DYNC2H1: variants seen among roughly 807,000 people sequenced by gnomAD.
The protein encoded by DYNC2H1 is cytoplasmic dynein 2 heavy chain 1.
A neutral mutation model predicts 570.0 loss-of-function variants in DYNC2H1; 410 were observed. The ratio of observed to expected loss-of-function variants is 0.72; its 90% CI spans 0.66 to 0.78. DYNC2H1 has a LOEUF of 0.78. Ranked by LOEUF, DYNC2H1 falls within the 30% of genes least tolerant of loss-of-function variation. DYNC2H1 has a pLI of 0.00. For synonymous variants in DYNC2H1, 1,688 were observed against 1,677.6 expected (o/e 1.01, Z -0.15); for missense variants, 4,865 against 5,046.4 (o/e 0.96, Z 1.09).
rs190700870 is a variant in DYNC2H1 at position 103,177,208 on chromosome 11, G to C, written c.5875-348G>C. ...ACTTTGCCCTCAGTTTTGGAGAGAA[G>C]TAAGATAAGAATGAATGAATGAATG... On this transcript the variant is annotated intron_variant, in intron 37 of 88. Transcript: ENST00000375735. The surrounding 1 kb of genome is among the most constrained non-coding windows in gnomAD (Gnocchi z 4.4). 1.3e-5 allele frequency among the ~76,000 whole-genome samples: 2 copies of C among 152,182 alleles called. No individual in the cohort carries two copies. Among genetic ancestry groups the C allele is most frequent in the East Asian group, 3.9e-4 (2 of 5,182 alleles).
chr11:103,455,870 A>G (rs1944769086), intron 86 of DYNC2H1, among the ~76,000 whole-genome samples: 1 of 152,158 alleles, frequency 6.6e-6, no homozygotes, highest in Non-Finnish European at 1.5e-5. Context: ...AAGGGACATT[A>G]CTAAAAATAT....
intron 61 of DYNC2H1, among the ~76,000 whole-genome samples, chr11:103,234,400 C>A (rs1024560374): frequency 6.6e-6 from 1 of 151,878 alleles, no homozygotes; most frequent in Non-Finnish European, 1.5e-5. Context: ...GAGAGATGAG[C>A]AGGATGAAAA....
Position 103,252,478 on chromosome 11 carries a change from C to T in DYNC2H1, c.10043-807C>T, listed in dbSNP as rs2135251697. 6.6e-6 allele frequency among the ~76,000 whole-genome samples: 1 copy of T among 152,220 alleles called. No homozygotes were observed. Among genetic ancestry groups the T allele is most frequent in the East Asian group, 1.9e-4 (1 of 5,174 alleles). ...CTGGTCTTCATTCCCACCAACAATT[C>T]CCTTTTCTCCGTATCTTCATCAACA... On this transcript the variant is annotated intron_variant, in intron 65 of 88. Transcript: ENST00000375735. The surrounding 1 kb of genome is among the most constrained non-coding windows in gnomAD (Gnocchi z 4.6).
intron 4 of DYNC2H1, 74 bp downstream of exon 4, chr11:103,115,369 C>A: frequency 1.1e-6 from 1 of 933,688 alleles, no homozygotes. Flanking sequence ...TACAGCCTCT[C>A]TTCTGTTTTA....
intron 59 of DYNC2H1, among the ~76,000 whole-genome samples, chr11:103,230,715 G>A (rs768095714): frequency 7.9e-5 from 12 of 151,880 alleles, no homozygotes; most frequent in Non-Finnish European, 1.3e-4. Flanking sequence ...TTTGCGTTCC[G>A]GTATGTTAGT....
At chr11:103,180,077 T>G (rs1307699501) in intron 39 of DYNC2H1, among the ~76,000 whole-genome samples, 1 of 151,678 alleles carries the variant, frequency 6.6e-6, no homozygotes, top group South Asian at 2.1e-4. Flanking sequence ...TACTTTAAAT[T>G]AGCCAGAAGC....
chr11:103,310,408 TG>T (rs1357725003), intron 78 of DYNC2H1, among the ~76,000 whole-genome samples: 1 of 152,084 alleles, frequency 6.6e-6, no homozygotes, highest in Non-Finnish European at 1.5e-5. Flanking sequence ...TTAGTATTTT[TG>T]TTTCATTTAT....
chr11:103,315,844 C>A (rs1937797029), intron 79 of DYNC2H1, among the ~76,000 whole-genome samples: 1 of 151,918 alleles, frequency 6.6e-6, no homozygotes, highest in African/African-American at 2.4e-5. Context: ...TTCCCAGAGC[C>A]TGACATATAA....
intron 59 of DYNC2H1, among the ~76,000 whole-genome samples, chr11:103,225,780 C>T (rs745968341): frequency 5.3e-5 from 8 of 152,044 alleles, no homozygotes; most frequent in Admixed American, 2.0e-4. Context: ...TTTTCTACTT[C>T]TGTGAAGAAT....
chr11:103,383,904 A>C (rs1005255063), intron 83 of DYNC2H1, among the ~76,000 whole-genome samples: 1 of 152,118 alleles, frequency 6.6e-6, no homozygotes, highest in Non-Finnish European at 1.5e-5. Context: ...TTTCATTGTA[A>C]CTTCATCTTC....
At position 103,184,955 on chromosome 11, in the gene DYNC2H1, A is replaced by G. The variant is rs1170526771; in HGVS notation, c.6537A>G (p.Leu2179=). 1 of 1,611,346 alleles carries G rather than the reference A, an allele frequency of 6.2e-7. No homozygotes were observed. Among genetic ancestry groups the G allele is most frequent in the South Asian group, 1.1e-5 (1 of 90,980 alleles). ...CTGTGATGAATGGTTTGTCACATCTACATGGTTGCAGAGATCATGACGAAT... is the reference window on the plus strand; with the variant it reads ...CTGTGATGAATGGTTTGTCACATCTGCATGGTTGCAGAGATCATGACGAAT... The part of the protein sequence containing the change: ...VGTVMNGLSH[L]HGCRDHDEFI... Residue 2179 remains leucine (L), a synonymous_variant, in exon 41 of 89, where the codon CTA becomes CTG. Coordinates refer to ENST00000375735, the MANE Select transcript of DYNC2H1 (RefSeq NM_001377.3).
At chr11:103,385,104 C>T (rs1305949625) in intron 83 of DYNC2H1, among the ~76,000 whole-genome samples, 1 of 151,962 alleles carries the variant, frequency 6.6e-6, no homozygotes, top group Non-Finnish European at 1.5e-5. Context: ...CCTTGATTTT[C>T]TGCAGTTATA....
intron 83 of DYNC2H1, among the ~76,000 whole-genome samples, chr11:103,359,217 A>G (rs968289915): frequency 6.6e-6 from 1 of 152,204 alleles, no homozygotes; most frequent in African/African-American, 2.4e-5. Flanking sequence ...TCTGTTTTTT[A>G]TAAGAAATCC....
intron 60 of DYNC2H1, among the ~76,000 whole-genome samples, chr11:103,233,128 A>G (rs1209961809): frequency 6.6e-6 from 1 of 152,044 alleles, no homozygotes; most frequent in Non-Finnish European, 1.5e-5. Flanking sequence ...AATATACTGT[A>G]AAGTACATGC....
At position 103,120,313 on chromosome 11, in the gene DYNC2H1, C is replaced by T. The variant is rs1292132281; in HGVS notation, c.1000-134C>T. On this transcript the variant is annotated intron_variant, in intron 6 of 88. Coordinates refer to ENST00000375735, the MANE Select transcript of DYNC2H1 (RefSeq NM_001377.3). ...GTGGCAATTCTCTGGACTAGAGTTTCAGTTTTATTGGTTTTTTCTTTTTTT... is the reference window on the plus strand; with the variant it reads ...GTGGCAATTCTCTGGACTAGAGTTTTAGTTTTATTGGTTTTTTCTTTTTTT... 6.5e-6 allele frequency: 5 copies of T among 775,066 alleles called. No individual in the cohort carries two copies. In the East Asian group the frequency reaches 1.1e-4, roughly 17 times the overall value. 48.0% of individuals were successfully genotyped at this position (775,066 alleles called of 1,614,324 possible).
At chr11:103,247,907 G>C (rs937732412) in intron 65 of DYNC2H1, among the ~76,000 whole-genome samples, 4 of 151,804 alleles carry the variant, frequency 2.6e-5, no homozygotes, top group Non-Finnish European at 4.4e-5. Context: ...GTACCTGAAG[G>C]GTATAGGGAC....
At chr11:103,146,876 T>C (rs1378639924) in intron 18 of DYNC2H1, among the ~76,000 whole-genome samples, 1 of 152,200 alleles carries the variant, frequency 6.6e-6, no homozygotes, top group African/African-American at 2.4e-5. Flanking sequence ...AGTGCTAGGA[T>C]TACAGGCCAC....
chr11:103,296,664 C>T (rs1003155680), intron 75 of DYNC2H1, among the ~76,000 whole-genome samples: 2 of 152,094 alleles, frequency 1.3e-5, no homozygotes, highest in South Asian at 2.1e-4. Context: ...AAGCTCAACT[C>T]ATTTGCTGTT....
chr11:103,237,468 A>G (rs898983180), intron 63 of DYNC2H1, among the ~76,000 whole-genome samples: 1 of 152,058 alleles, frequency 6.6e-6, no homozygotes, highest in Non-Finnish European at 1.5e-5. Context: ...TGTATTGGTA[A>G]CTTACCGGTA....
Sources: gnomAD v4.1 joint callset for allele counts (sites outside exome capture counted in the v4.1 genomes callset) on GRCh38, gnomAD v4.1.1 for gene constraint, Gnocchi (gnomAD v3.1) non-coding constraint, MANE v1.5 for transcripts, NCBI Gene and HGNC (gene_info 2026-07-23, HGNC 2026-07-21) for gene names.